MGAT4C: variants seen among roughly 807,000 people sequenced by gnomAD.
MGAT4C encodes alpha-1,3-mannosyl-glycoprotein 4-beta-N-acetylglucosaminyltransferase C.
Under a neutral mutation model 40.1 loss-of-function variants are expected in MGAT4C, and 19 were observed. That is an observed-to-expected ratio of 0.47 (90% CI 0.33 to 0.70). MGAT4C has a LOEUF of 0.70. Ranked by LOEUF, MGAT4C falls within the 30% of genes least tolerant of loss-of-function variation. MGAT4C has a pLI of 0.02. For synonymous variants in MGAT4C, 181 were observed against 187.1 expected (o/e 0.97, Z 0.27); for missense variants, 491 against 563.2 (o/e 0.87, Z 1.30).
At chr12:86,777,430 G>A (rs1264761083) in intron 1 of MGAT4C, among the ~76,000 whole-genome samples, 1 of 152,082 alleles carries the variant, frequency 6.6e-6, no homozygotes, top group Non-Finnish European at 1.5e-5. Context: ...TATCAGAATT[G>A]GACTGGTTTA....
At chr12:86,803,794 A>G (rs1952282450) in intron 1 of MGAT4C, among the ~76,000 whole-genome samples, 1 of 150,234 alleles carries the variant, frequency 6.7e-6, no homozygotes, top group Non-Finnish European at 1.5e-5. Context: ...GTGGAGAAAT[A>G]GGAACACTTT....
intron 2 of MGAT4C, among the ~76,000 whole-genome samples, chr12:86,435,830 A>G (rs1360890705): frequency 6.6e-6 from 1 of 151,918 alleles, no homozygotes; most frequent in African/African-American, 2.4e-5. Context: ...TGGCCCAGAC[A>G]CAATCACATC....
intron 3 of MGAT4C, among the ~76,000 whole-genome samples, chr12:86,350,039 A>G (rs1033194675): frequency 1.3e-5 from 2 of 152,028 alleles, no homozygotes; most frequent in African/African-American, 4.8e-5. Context: ...AACTTTACCT[A>G]TGTGATTTCT....
rs551257268 is a variant in MGAT4C, at chr12:86,293,433, A to T, written c.-57+40632T>A. Among the ~76,000 whole-genome samples, 268 of 152,196 alleles carry T rather than the reference A, an allele frequency of 1.8e-3. 2 individuals are homozygous for T. Among genetic ancestry groups the T allele is most frequent in the African/African-American group, 5.5e-3 (227 of 41,542 alleles). On this transcript the variant is annotated intron_variant, in intron 4 of 7. Transcript: ENST00000548651. The stretch of plus-strand genomic sequence containing the variant: ...TTTTTAGATATTTCTTTCTGTTTTT[A>T]AAAAAATAATAGGAAGGCAAAATTC...
At chr12:86,726,443 C>G (rs1213961407) in intron 2 of MGAT4C, among the ~76,000 whole-genome samples, 2 of 152,116 alleles carry the variant, frequency 1.3e-5, no homozygotes, top group Non-Finnish European at 2.9e-5. Context: ...TTTTATATGC[C>G]TAAACTCCTT....
chr12:86,273,021 C>T (rs115455594), intron 4 of MGAT4C, among the ~76,000 whole-genome samples: 1,974 of 151,912 alleles, frequency 0.013, 51 homozygotes, highest in African/African-American at 0.044. Context: ...TTCCTGTTTT[C>T]TTAGAACAGA....
At chr12:86,358,695 G>A (rs1338451405) in intron 3 of MGAT4C, among the ~76,000 whole-genome samples, 1 of 152,146 alleles carries the variant, frequency 6.6e-6, no homozygotes, top group African/African-American at 2.4e-5. Context: ...TGATGAAACA[G>A]ACTTTAAACC....
intron 2 of MGAT4C, among the ~76,000 whole-genome samples, chr12:86,461,798 A>T (rs1957605977): frequency 6.6e-6 from 1 of 152,224 alleles, no homozygotes; most frequent in South Asian, 2.1e-4. Context: ...ATTTTAGTTT[A>T]TAAATGAAAT....
At chr12:86,789,229 C>T (rs1164875585) in intron 1 of MGAT4C, among the ~76,000 whole-genome samples, 1 of 152,076 alleles carries the variant, frequency 6.6e-6, no homozygotes, top group Non-Finnish European at 1.5e-5. Context: ...GAACTAAGTG[C>T]CAAATTCTGT....
intron 2 of MGAT4C, among the ~76,000 whole-genome samples, chr12:86,691,315 G>A (rs987556185): frequency 1.3e-5 from 2 of 152,184 alleles, no homozygotes; most frequent in African/African-American, 4.8e-5. Context: ...ACTCCCAAGA[G>A]AAATAATCTC....
At chr12:86,520,369 G>A (rs1307820461) in intron 2 of MGAT4C, among the ~76,000 whole-genome samples, 1 of 152,092 alleles carries the variant, frequency 6.6e-6, no homozygotes, top group African/African-American at 2.4e-5. Flanking sequence ...ATGGCCTCCA[G>A]CTCCATCCAT....
At chr12:86,325,066 G>A (rs1016131835) in intron 4 of MGAT4C, among the ~76,000 whole-genome samples, 1 of 151,902 alleles carries the variant, frequency 6.6e-6, no homozygotes, top group Non-Finnish European at 1.5e-5. Context: ...TATAAATGTT[G>A]CATTCTTCAC....
At chr12:86,096,087 A>G (rs2135583025) in intron 1 of MGAT4C, among the ~76,000 whole-genome samples, 1 of 151,820 alleles carries the variant, frequency 6.6e-6, no homozygotes, top group South Asian at 2.1e-4. Flanking sequence ...TGTTATCTAA[A>G]ATATATTACT....
At chr12:86,099,939 T>C (rs1305309603) in intron 1 of MGAT4C, among the ~76,000 whole-genome samples, 1 of 151,494 alleles carries the variant, frequency 6.6e-6, no homozygotes, top group Non-Finnish European at 1.5e-5. Flanking sequence ...ACATGAATTA[T>C]CATTTACCAT....
intron 3 of MGAT4C, among the ~76,000 whole-genome samples, chr12:86,406,927 T>G (rs1359862872): frequency 1.3e-5 from 2 of 152,098 alleles, no homozygotes; most frequent in Non-Finnish European, 2.9e-5. Context: ...TGGAGATATG[T>G]CAGATCCATA....
At chr12:86,006,372 C>G (rs1330417790) in intron 2 of MGAT4C, among the ~76,000 whole-genome samples, 2 of 152,172 alleles carry the variant, frequency 1.3e-5, no homozygotes, top group African/African-American at 4.8e-5. Flanking sequence ...AAATTCCCCT[C>G]ATTAAATTCC....
chr12:86,081,753 A>G (rs561344130), intron 1 of MGAT4C, among the ~76,000 whole-genome samples: 27 of 152,222 alleles, frequency 1.8e-4, no homozygotes, highest in African/African-American at 6.3e-4. Context: ...ATATAAAAGA[A>G]AAAAGGAAAA....
chr12:86,766,015 C>A lies in MGAT4C; in HGVS notation c.-261-38774G>T, dbSNP rs921386682. 8.4e-3 allele frequency among the ~76,000 whole-genome samples: 1,272 copies of A among 152,158 alleles called. 13 individuals are homozygous for A. Among genetic ancestry groups the A allele is most frequent in the African/African-American group, 0.029 (1,218 of 41,510 alleles). On this transcript the variant is annotated intron_variant, in intron 1 of 7. Coordinates refer to the MGAT4C transcript ENST00000548651. ...ATGACAGGATCAAATTCACACATAA[C>A]AATATTAACCTTAAATGTAAATGGA...
chr12:86,020,364 C>T (rs1424995205), intron 2 of MGAT4C, among the ~76,000 whole-genome samples: 1 of 152,106 alleles, frequency 6.6e-6, no homozygotes, highest in Non-Finnish European at 1.5e-5. Context: ...ACCAAAACAG[C>T]ATGGTACTGG....
Sources: allele counts gnomAD v4.1 joint callset (sites outside exome capture counted in the v4.1 genomes callset), GRCh38; gene constraint gnomAD v4.1.1; transcripts MANE v1.5; gene names NCBI Gene and HGNC (gene_info 2026-07-23, HGNC 2026-07-21).